Variants in DMXL1 observed in about 807,000 individuals in gnomAD.
DMXL1 encodes Dmx like 1.
A neutral mutation model predicts 319.2 loss-of-function variants in DMXL1; 99 were observed. The observed-to-expected ratio is 0.31, with a 90% CI of 0.26 to 0.37. The LOEUF (loss-of-function observed/expected upper bound fraction) is 0.37, where lower values mean the gene tolerates loss of function less well. DMXL1 is among the 10% of genes least tolerant of loss of function. The probability of loss-of-function intolerance (pLI) is 1.00; values close to 1 mark genes in which losing one functional copy is unlikely to be tolerated. For missense variants in DMXL1, 3,745 were observed against 3,595.6 expected (o/e 1.04, Z -1.06); for synonymous variants, 1,385 against 1,235.2 (o/e 1.12, Z -2.54).
At position 119,225,025 on chromosome 5, in the gene DMXL1, G is replaced by A. The variant is rs544459809; in HGVS notation, c.8338+256G>A. Among the ~76,000 whole-genome samples the A allele has an allele frequency of 5.1e-4, 77 of 151,990 alleles. 1 individual carries two copies. In the South Asian group the frequency reaches 0.016, roughly 31 times the overall value. Reference sequence around the variant, plus strand: ...ACATTTTGACTACCAATCAAAATTTGCGACTACCAATACACAAAATTTGTG... The same window carrying A: ...ACATTTTGACTACCAATCAAAATTTACGACTACCAATACACAAAATTTGTG... On this transcript the variant is annotated intron_variant, in intron 38 of 43. Coordinates refer to ENST00000539542, the MANE Select transcript of DMXL1 (RefSeq NM_001290321.3).
rs776318996 is a variant in DMXL1 at position 119,206,876 on chromosome 5, G to A, written c.7906G>A (p.Glu2636Lys). Residue 2636 changes from glutamate to lysine, a missense_variant, in exon 34 of 44, where the codon GAG becomes AAG. Physicochemically the swap from Glu to Lys is moderately conservative, Grantham distance 56 (BLOSUM62 1). Coordinates refer to ENST00000539542, the MANE Select transcript of DMXL1 (RefSeq NM_001290321.3). Reference protein sequence around the residue: ...NSETIKNSMMEEPNINKIEAD... With the variant: ...NSETIKNSMMKEPNINKIEAD... ...TGAAACCATCAAAAATTCTATGATG[G>A]AGGAGCCAAACATCAATAAGGTACA... 4 of 1,527,656 alleles carry A rather than the reference G, an allele frequency of 2.6e-6. No homozygotes were observed. The highest frequency in any genetic ancestry group is 3.5e-6 in the Non-Finnish European group (4 of 1,141,166). The allele number at this position is 1,527,656 out of a possible 1,614,324, so 94.6% of individuals were successfully genotyped here. A position where few individuals can be genotyped will look rare whatever the true frequency, so the allele number is the denominator to read the frequency against.
At chr5:119,079,784 T>A (rs772907099) in intron 1 of DMXL1, among the ~76,000 whole-genome samples, 17 of 152,226 alleles carry the variant, frequency 1.1e-4, no homozygotes, top group Non-Finnish European at 2.2e-4. Context: ...ATTTGTCATG[T>A]TGATCATTTT....
intron 8 of DMXL1, among the ~76,000 whole-genome samples, chr5:119,120,504 C>G (rs1761810934): frequency 1.3e-5 from 2 of 152,150 alleles, no homozygotes; most frequent in Admixed American, 6.5e-5. Context: ...CTCATGGCAT[C>G]AAATGGGATG....
In DMXL1 at chr5:119,118,988, T is replaced by C. The variant is rs1282116246; in HGVS notation, c.917T>C (p.Val306Ala). 2 of 1,611,162 alleles carry C rather than the reference T, an allele frequency of 1.2e-6. No homozygotes were observed. The change falls in exon 8 of 44, where the codon GTT becomes GCT. Residue 306 changes from valine (V) to alanine (A), a missense_variant. Physicochemically the swap from Val to Ala is moderately conservative, Grantham distance 64 (BLOSUM62 0). This residue lies in a region of DMXL1 where 2,096 missense variants were observed against 1,985.4 expected (regional missense o/e 1.06). Coordinates refer to ENST00000539542, the MANE Select transcript of DMXL1 (RefSeq NM_001290321.3). ...FKRNASSKER[V>A]QNALEVNLRH... ...AGAAATGCTTCCAGTAAAGAACGAG[T>C]TCAAAATGCTTTAGAAGTGAGTGTT...
At chr5:119,240,364 T>C in intron 41 of DMXL1, 55 bp from the exon 42 acceptor site, 1 of 1,306,774 alleles carries the variant, frequency 7.7e-7, no homozygotes, top group Non-Finnish European at 1.1e-6. Context: ...ATATGACATA[T>C]TTTTTATTGT....
intron 9 of DMXL1, among the ~76,000 whole-genome samples, chr5:119,124,988 C>A (rs1168017634): frequency 6.6e-6 from 1 of 152,174 alleles, no homozygotes; most frequent in African/African-American, 2.4e-5. Context: ...GAATATTTTT[C>A]ACTGTTAAAC....
Position 119,233,454 on chromosome 5 carries a change from A to G in DMXL1, c.8453A>G (p.Tyr2818Cys). 6.2e-7 allele frequency: 1 copy of G among 1,610,490 alleles called. No individual in the cohort carries two copies. The highest frequency in any genetic ancestry group is 1.1e-5 in the South Asian group (1 of 90,888). Reference sequence around the variant, plus strand: ...AGAGTTACAAGAATGAGATTTAACTATCAGGGAAATAAGGTATTATATAAA... The same window carrying G: ...AGAGTTACAAGAATGAGATTTAACTGTCAGGGAAATAAGGTATTATATAAA... ...NSRVTRMRFN[Y>C]QGNKFGIVDA... is the part of the protein sequence containing the mutation. Residue 2818 changes from tyrosine (Y) to cysteine (C), a missense_variant, in exon 39 of 44, where the codon TAT becomes TGT. By Grantham distance (194) the Tyr-to-Cys change is radical. Transcript: ENST00000539542.
chr5:119,237,703 A>C (rs748717693), intron 40 of DMXL1, among the ~76,000 whole-genome samples: 4 of 151,940 alleles, frequency 2.6e-5, no homozygotes, highest in Non-Finnish European at 5.9e-5. Flanking sequence ...AACCTCACTA[A>C]ACTGGTTATT....
Position 119,146,938 on chromosome 5 carries a change from T to G in DMXL1, c.2671T>G (p.Ser891Ala), listed in dbSNP as rs762798063. ...LLHMWNLHLK[S>A]IPVSLDEKVD... ...ACACATGTGGAATTTACATCTAAAG[T>G]CAATTCCTGTCTCATTAGGTGAGTC... Residue 891 changes from serine to alanine, a missense_variant, in exon 16 of 44, where the codon TCA becomes GCA. Ser to Ala is a moderately conservative substitution (Grantham distance 99). This residue lies in a region of DMXL1 where 2,096 missense variants were observed against 1,985.4 expected (regional missense o/e 1.06). Coordinates refer to ENST00000539542, the MANE Select transcript of DMXL1 (RefSeq NM_001290321.3). 1 of 1,612,482 alleles carries G rather than the reference T, an allele frequency of 6.2e-7. No individual in the cohort carries two copies.
At chr5:119,155,826 CAAAA>C (rs35851317) in intron 19 of DMXL1, among the ~76,000 whole-genome samples, 1 of 84,834 alleles carries the variant, frequency 1.2e-5, no homozygotes, top group Non-Finnish European at 2.5e-5. Context: ...GACCCTGTCT[CAAAA>C]AAAAAAAAAA....
chr5:119,196,513 T>G (rs895682400), intron 31 of DMXL1, 57 bp downstream of exon 31: 1 of 1,124,622 alleles, frequency 8.9e-7, no homozygotes, highest in African/African-American at 1.6e-5. Flanking sequence ...TACTACTCTG[T>G]TGTTTTTTTT....
At chr5:119,146,736 T>G in intron 15 of DMXL1, 101 bp from the exon 16 acceptor site, 1 of 1,223,578 alleles carries the variant, frequency 8.2e-7, no homozygotes, top group South Asian at 1.7e-5. Flanking sequence ...TAAAAGTTTT[T>G]AATCTTCTTT....
chr5:119,130,890 A>G (rs929662052), intron 10 of DMXL1, among the ~76,000 whole-genome samples: 3 of 152,132 alleles, frequency 2.0e-5, no homozygotes, highest in African/African-American at 7.2e-5. Flanking sequence ...TAAAATATCA[A>G]TAACTTCTGA....
chr5:119,081,355 T>C (rs1210412666), intron 1 of DMXL1, among the ~76,000 whole-genome samples: 4 of 152,214 alleles, frequency 2.6e-5, no homozygotes, highest in Non-Finnish European at 5.9e-5. Context: ...AATAGCACTC[T>C]TCCTTGATTC....
At chr5:119,135,955 C>T (rs1372555700) in intron 13 of DMXL1, among the ~76,000 whole-genome samples, 1 of 152,160 alleles carries the variant, frequency 6.6e-6, no homozygotes, top group African/African-American at 2.4e-5. Context: ...AACTGGGTAA[C>T]AGGCAGAGGT....
intron 17 of DMXL1, among the ~76,000 whole-genome samples, chr5:119,148,489 G>A (rs921728292): frequency 6.6e-6 from 1 of 152,006 alleles, no homozygotes; most frequent in Non-Finnish European, 1.5e-5. Flanking sequence ...CTAGGTTTTG[G>A]TGATACTTTC....
At chr5:119,205,963 A>G (rs1363147291) in intron 33 of DMXL1, among the ~76,000 whole-genome samples, 1 of 152,074 alleles carries the variant, frequency 6.6e-6, no homozygotes, top group Non-Finnish European at 1.5e-5. Context: ...GTGATGGGAG[A>G]GTATTCTGAG....
At chr5:119,092,936 A>G (rs1334254132) in intron 1 of DMXL1, among the ~76,000 whole-genome samples, 1 of 152,176 alleles carries the variant, frequency 6.6e-6, no homozygotes, top group Non-Finnish European at 1.5e-5. Flanking sequence ...TGTGGCCATT[A>G]TGAATAATGC....
At chr5:119,100,397 C>T (rs1756981498) in intron 2 of DMXL1, among the ~76,000 whole-genome samples, 1 of 150,178 alleles carries the variant, frequency 6.7e-6, no homozygotes. Flanking sequence ...GATCGTGCCA[C>T]TGCATTTCAA....
Sources: allele counts gnomAD v4.1 joint callset (sites outside exome capture counted in the v4.1 genomes callset), GRCh38; gene constraint gnomAD v4.1.1; regional missense constraint gnomAD v4.1.1; transcripts MANE v1.5; gene names NCBI Gene and HGNC (gene_info 2026-07-23, HGNC 2026-07-21).